TUSC3: variants seen among roughly 807,000 people sequenced by gnomAD.
TUSC3 encodes the protein tumor suppressor candidate 3.
Under a neutral mutation model 44.8 loss-of-function variants are expected in TUSC3, and 45 were observed. The ratio of observed to expected loss-of-function variants is 1.00; its 90% CI spans 0.79 to 1.29. TUSC3 has a LOEUF of 1.29. Ranked by LOEUF, TUSC3 falls within the 50% of genes most tolerant of loss-of-function variation. The pLI is 0.00. For missense variants in TUSC3, 519 were observed against 437.9 expected (o/e 1.19, Z -1.65); for synonymous variants, 212 against 152.9 (o/e 1.39, Z -2.85).
At chr8:15,598,692 A>C (rs999753192) in intron 1 of TUSC3, among the ~76,000 whole-genome samples, 2 of 151,902 alleles carry the variant, frequency 1.3e-5, no homozygotes, top group African/African-American at 2.4e-5. Flanking sequence ...GGAATCATAC[A>C]GTATATAGCC....
intron 2 of TUSC3, among the ~76,000 whole-genome samples, chr8:15,512,756 G>T (rs1801155883): frequency 6.8e-6 from 1 of 146,694 alleles, no homozygotes; most frequent in African/African-American, 2.5e-5. Flanking sequence ...CTGGGCAACA[G>T]AACAAGACTC....
At chr8:15,822,238 G>C in the TUSC3 span, among the ~76,000 whole-genome samples, 1 of 152,154 alleles carries the variant, frequency 6.6e-6, no homozygotes, top group Non-Finnish European at 1.5e-5. Context: ...TGGTTGAAAT[G>C]CTTATTGACT....
At chr8:15,658,911 C>G (rs1666970653) in intron 3 of TUSC3, among the ~76,000 whole-genome samples, 1 of 151,908 alleles carries the variant, frequency 6.6e-6, no homozygotes, top group Admixed American at 6.6e-5. Context: ...AGCAGTTGAG[C>G]AGAAAAAGTG....
chr8:15,553,981 T>C (rs1802144235), intron 1 of TUSC3, among the ~76,000 whole-genome samples: 1 of 151,654 alleles, frequency 6.6e-6, no homozygotes, highest in African/African-American at 2.4e-5. Flanking sequence ...GGGCAGCATA[T>C]ACACCATACA....
chr8:15,748,363 G>T lies in TUSC3; in HGVS notation c.938-12G>T. On this transcript the variant is annotated splice_polypyrimidine_tract_variant and intron_variant, in intron 8 of 10. Transcript: ENST00000503731. ...TTTTTAGACACTAATGGTATTTTCT[G>T]TCTGTTTCTAGTAATTTGCCTAGTG... 1 of 1,601,666 alleles carries T rather than the reference G, an allele frequency of 6.2e-7. No homozygotes were observed. Among genetic ancestry groups the T allele is most frequent in the Non-Finnish European group, 8.6e-7 (1 of 1,168,966 alleles).
At position 15,673,619 on chromosome 8, in the gene TUSC3, T is replaced by G. The variant is rs973049433; in HGVS notation, c.709-128T>G. On this transcript the variant is annotated intron_variant, in intron 5 of 10. Coordinates refer to ENST00000503731, the MANE Select transcript of TUSC3 (RefSeq NM_006765.4). ...AAAGTCCCATAGTTAATAAGTGAAA[T>G]TTTTTAAAATGTGTGAGCTGATACA... The G allele has an allele frequency of 5.0e-6, 4 of 794,306 alleles. No individual in the cohort carries two copies. In the East Asian group the frequency reaches 1.1e-4, roughly 21 times the overall value. The allele number at this position is 794,306 out of a possible 1,614,324, so 49.2% of individuals were successfully genotyped here.
chr8:15,542,628 G>A (rs1801730417), intron 1 of TUSC3, among the ~76,000 whole-genome samples: 1 of 152,034 alleles, frequency 6.6e-6, no homozygotes, highest in Admixed American at 6.6e-5. Context: ...CCAATAATAA[G>A]ATGACTTTAA....
rs540828638 is a variant in TUSC3, at chr8:15,587,349, A to G, written c.139-35731A>G. Reference sequence around the variant, plus strand: ...TACCTTTTGCACTTAAGGCAGCATTATAACATTATGTTTTGTTACTGCTTC... The same window carrying G: ...TACCTTTTGCACTTAAGGCAGCATTGTAACATTATGTTTTGTTACTGCTTC... On this transcript the variant is annotated intron_variant, in intron 1 of 10. Transcript: ENST00000503731. 9.8e-5 allele frequency among the ~76,000 whole-genome samples: 15 copies of G among 152,298 alleles called. No homozygotes were observed. In the South Asian group the frequency reaches 2.9e-3, roughly 29 times the overall value.
chr8:15,633,855 T>C (rs1255492098), intron 2 of TUSC3, among the ~76,000 whole-genome samples: 2 of 152,202 alleles, frequency 1.3e-5, no homozygotes, highest in Non-Finnish European at 2.9e-5. Flanking sequence ...ATCCAGTTTG[T>C]GATACTTTGT....
chr8:15,839,400 T>C, the TUSC3 span, among the ~76,000 whole-genome samples: 1 of 152,142 alleles, frequency 6.6e-6, no homozygotes, highest in African/African-American at 2.4e-5. Context: ...CTATGTTGGA[T>C]AGAAGTGGTG....
At chr8:15,485,069 A>C (rs542284984) in intron 2 of TUSC3, among the ~76,000 whole-genome samples, 1 of 152,192 alleles carries the variant, frequency 6.6e-6, no homozygotes, top group South Asian at 2.1e-4. Context: ...TTTCATTTGC[A>C]CTTTCAGTCA....
intron 1 of TUSC3, among the ~76,000 whole-genome samples, chr8:15,427,267 T>C (rs987283274): frequency 6.6e-6 from 1 of 151,550 alleles, no homozygotes. Context: ...ATAATCCTGT[T>C]ACAGGAGGTA....
chr8:15,671,950 G>C (rs1315421896), intron 5 of TUSC3, among the ~76,000 whole-genome samples: 1 of 151,914 alleles, frequency 6.6e-6, no homozygotes, highest in African/African-American at 2.4e-5. Flanking sequence ...TAACATACCT[G>C]TTATACAATA....
chr8:15,597,972 C>A (rs1804137717), intron 1 of TUSC3, among the ~76,000 whole-genome samples: 2 of 152,020 alleles, frequency 1.3e-5, no homozygotes, highest in South Asian at 4.1e-4. Context: ...CATGCACACA[C>A]AACACTTATT....
chr8:15,602,408 C>G (rs1033822877), intron 1 of TUSC3, among the ~76,000 whole-genome samples: 6 of 151,326 alleles, frequency 4.0e-5, no homozygotes, highest in Non-Finnish European at 7.4e-5. Context: ...TTTTATTTCC[C>G]CACAGTTTAT....
chr8:15,631,184 A>G lies in TUSC3; in HGVS notation c.308+7935A>G, dbSNP rs566346379. On this transcript the variant is annotated intron_variant, in intron 2 of 10. Coordinates refer to ENST00000503731, the MANE Select transcript of TUSC3 (RefSeq NM_006765.4). ...TTCAGGCTTGAGTGAATCCATGACC[A>G]GTTTGGTATAAATGATGCCCTCAAG... Among the ~76,000 whole-genome samples, 6 of 152,266 alleles carry G rather than the reference A, an allele frequency of 3.9e-5. No individual in the cohort carries two copies. In the South Asian group the frequency reaches 1.0e-3, roughly 26 times the overall value.
chr8:15,641,341 CAG>C (rs1189615213), intron 2 of TUSC3, among the ~76,000 whole-genome samples: 1 of 118,864 alleles, frequency 8.4e-6, no homozygotes, highest in African/African-American at 3.3e-5. Flanking sequence ...GGCCTGGCGA[CAG>C]AGAGAGAGAC....
intron 2 of TUSC3, among the ~76,000 whole-genome samples, chr8:15,502,451 G>A (rs766745344): frequency 3.9e-5 from 6 of 152,016 alleles, no homozygotes; most frequent in African/African-American, 7.3e-5. Context: ...CTCCTATGTC[G>A]GATTATCATT....
chr8:15,828,992 A>T, the TUSC3 span, among the ~76,000 whole-genome samples: 13 of 152,226 alleles, frequency 8.5e-5, no homozygotes, highest in Non-Finnish European at 1.5e-4. Context: ...AAAAGTATCC[A>T]ATTCTAGCAG....
Sources: gnomAD v4.1 joint callset for allele counts (sites outside exome capture counted in the v4.1 genomes callset) on GRCh38, gnomAD v4.1.1 for gene constraint, MANE v1.5 for transcripts, NCBI Gene and HGNC (gene_info 2026-07-23, HGNC 2026-07-21) for gene names.